The following ERMP1 variants were observed in gnomAD, a reference collection of about 807,000 sequenced individuals.
ERMP1 encodes endoplasmic reticulum metallopeptidase 1.
A neutral mutation model predicts 92.0 loss-of-function variants in ERMP1; 86 were observed. The observed-to-expected ratio is 0.93, with a 90% CI of 0.79 to 1.12. The LOEUF is 1.12. ERMP1 is among the 50% of genes most tolerant of loss of function. The probability of loss-of-function intolerance (pLI) is 0.00; values close to 1 mark genes in which losing one functional copy is unlikely to be tolerated. For synonymous variants in ERMP1, 530 were observed against 412.8 expected (o/e 1.28, Z -3.44); for missense variants, 1,342 against 1,116.3 (o/e 1.20, Z -2.88).
upstream of ERMP1, among the ~76,000 whole-genome samples, chr9:5,834,528 G>T (rs577007271): frequency 1.7e-4 from 26 of 152,252 alleles, no homozygotes; most frequent in African/African-American, 6.3e-4. Context: ...ATGAAAAAAT[G>T]AAAACATACC....
intron 5 of ERMP1, among the ~76,000 whole-genome samples, chr9:5,861,172 T>TGG (rs1395309195): frequency 6.9e-5 from 3 of 43,564 alleles, no homozygotes; most frequent in East Asian, 1.0e-3. Flanking sequence ...GCTTAGGGGG[T>TGG]GTGTGTGTGT....
chr9:5,865,671 T>C (rs1830635510), intron 5 of ERMP1, among the ~76,000 whole-genome samples: 1 of 150,084 alleles, frequency 6.7e-6, no homozygotes, highest in African/African-American at 2.4e-5. Context: ...AAACCTGGTC[T>C]CTACTAAAAT....
intron 6 of ERMP1, among the ~76,000 whole-genome samples, chr9:5,847,092 G>C (rs1830245850): frequency 3.3e-5 from 5 of 152,216 alleles, no homozygotes; most frequent in Non-Finnish European, 5.9e-5. Flanking sequence ...CCAGGGGATG[G>C]AGGGAAGAGA....
At chr9:5,851,766 C>T (rs1032503655) in intron 6 of ERMP1, among the ~76,000 whole-genome samples, 1 of 152,180 alleles carries the variant, frequency 6.6e-6, no homozygotes, top group African/African-American at 2.4e-5. Context: ...CCTTCACACA[C>T]ATACACCCCA....
At chr9:5,812,477 G>C (rs1829134894) in intron 5 of ERMP1, among the ~76,000 whole-genome samples, 1 of 152,226 alleles carries the variant, frequency 6.6e-6, no homozygotes, top group African/African-American at 2.4e-5. Flanking sequence ...AGCAAGGATA[G>C]GAATATTGAG....
At chr9:5,819,442 A>C (rs1829447822) in intron 4 of ERMP1, among the ~76,000 whole-genome samples, 1 of 152,224 alleles carries the variant, frequency 6.6e-6, no homozygotes, top group Non-Finnish European at 1.5e-5. Flanking sequence ...AGGCCATTGC[A>C]ACCTCATATC....
chr9:5,836,404 G>A (rs1225982769), upstream of ERMP1, among the ~76,000 whole-genome samples: 1 of 152,224 alleles, frequency 6.6e-6, no homozygotes, highest in African/African-American at 2.4e-5. Context: ...CAAGCCAAGA[G>A]ATGAGAAGTG....
chr9:5,834,190 T>G (rs1425463681), upstream of ERMP1, among the ~76,000 whole-genome samples: 1 of 152,190 alleles, frequency 6.6e-6, no homozygotes, highest in Non-Finnish European at 1.5e-5. Flanking sequence ...CATCTTTCCT[T>G]CTACAATAGG....
Position 5,848,386 on chromosome 9 carries a change from C to G in ERMP1, n.3199+11082G>C, listed in dbSNP as rs889514901. Among the ~76,000 whole-genome samples the G allele has an allele frequency of 2.6e-5, 4 of 152,124 alleles. No individual in the cohort carries two copies. The East Asian group carries it at 7.7e-4, about 29-fold the overall frequency. ...AGGGACGTGGATCTGCGCCTAGAACCCTCAGAACAAACACAGCTCTGCCGA... is the reference window on the plus strand; with the variant it reads ...AGGGACGTGGATCTGCGCCTAGAACGCTCAGAACAAACACAGCTCTGCCGA... On this transcript the variant is annotated intron_variant and non_coding_transcript_variant, in intron 6 of 6. Coordinates refer to the ERMP1 transcript ENST00000690753.
chr9:5,812,137 T>G lies in ERMP1; in HGVS notation c.1102A>C (p.Ile368Leu). The part of the protein sequence containing the change: ...DTADRILTDS[I>L]QRAGDNILAV... Reference sequence around the variant, plus strand: ...TTGGAATACCAACCTGCTCTCTGAATGGAATCTGTTAGAATTCTGTCCGCT... The same window carrying G: ...TTGGAATACCAACCTGCTCTCTGAAGGGAATCTGTTAGAATTCTGTCCGCT... The change falls in exon 6 of 15, where the codon ATT (isoleucine) becomes CTT (leucine). Residue 368 changes from isoleucine to leucine, a missense_variant. Coordinates refer to ENST00000339450, the MANE Select transcript of ERMP1 (RefSeq NM_024896.3). The G allele has an allele frequency of 6.2e-7, 1 of 1,603,962 alleles. No homozygotes were observed. The highest frequency in any genetic ancestry group is 8.5e-7 in the Non-Finnish European group (1 of 1,174,158).
chr9:5,815,494 C>CAAAAAAAAAAAAAAAAAA (rs3068691), intron 4 of ERMP1, among the ~76,000 whole-genome samples: 3 of 97,422 alleles, frequency 3.1e-5, no homozygotes, highest in Non-Finnish European at 6.2e-5. Context: ...ACTGAAATAA[C>CAAAAAAAAAAAAAAAAAA]AAAAAAAAAA....
upstream of ERMP1, among the ~76,000 whole-genome samples, chr9:5,835,009 G>C (rs1830074391): frequency 6.6e-6 from 1 of 151,002 alleles, no homozygotes; most frequent in African/African-American, 2.4e-5. Context: ...GTGTGTGTGT[G>C]TGTGTGTGTG....
chr9:5,832,477 G>C (rs1829985255), intron 1 of ERMP1: 1 of 469,078 alleles, frequency 2.1e-6, no homozygotes, highest in Admixed American at 4.4e-5. Flanking sequence ...TCTGCACCAC[G>C]AGCTTAACCG....
At chr9:5,807,503 T>C (rs969214850) in intron 8 of ERMP1, among the ~76,000 whole-genome samples, 1 of 152,168 alleles carries the variant, frequency 6.6e-6, no homozygotes, top group African/African-American at 2.4e-5. Context: ...CCCAACACTT[T>C]GGGAGGCCGA....
intron 13 of ERMP1, among the ~76,000 whole-genome samples, chr9:5,797,330 G>A (rs922715571): frequency 6.6e-6 from 1 of 151,926 alleles, no homozygotes; most frequent in South Asian, 2.1e-4. Context: ...ACCATGCCTG[G>A]CCTATTAAAT....
In ERMP1 at chr9:5,812,933, G is replaced by A. The variant is rs151153615; in HGVS notation, c.977C>T (p.Ser326Leu). The change falls in exon 5 of 15, where the codon TCA becomes TTA. Residue 326 changes from serine to leucine, a missense_variant. By Grantham distance (145) the Ser-to-Leu change is moderately radical. Coordinates refer to ENST00000339450, the MANE Select transcript of ERMP1 (RefSeq NM_024896.3). ...QEVFQSGIIP[S>L]DTDFRIYRDF... ...CCTGTAGATACGAAAGTCAGTATCT[G>A]AAGGAATGATTCCACTCTGAAAAAC... 5 of 1,613,894 alleles carry A rather than the reference G, an allele frequency of 3.1e-6. No homozygotes were observed. Among genetic ancestry groups the A allele is most frequent in the African/African-American group, 2.7e-5 (2 of 74,904 alleles).
intron 6 of ERMP1, among the ~76,000 whole-genome samples, chr9:5,845,831 T>G (rs1236565406): frequency 2.6e-5 from 4 of 152,144 alleles, no homozygotes; most frequent in African/African-American, 9.7e-5. Context: ...TGAGGAGTAT[T>G]TTTGAGGCCA....
intron 8 of ERMP1, among the ~76,000 whole-genome samples, chr9:5,807,164 C>T (rs1245474871): frequency 2.0e-5 from 3 of 152,192 alleles, no homozygotes; most frequent in Non-Finnish European, 4.4e-5. Context: ...TATTCATCCC[C>T]TGCCCACTCC....
At chr9:5,823,756 C>G (rs1829630739) in intron 4 of ERMP1, 140 bp downstream of exon 4, 1 of 651,158 alleles carries the variant, frequency 1.5e-6, no homozygotes, top group African/African-American at 1.9e-5. Flanking sequence ...TTAACAAAGA[C>G]AAGCTAACAC....
Sources: allele counts gnomAD v4.1 joint callset (sites outside exome capture counted in the v4.1 genomes callset), GRCh38; gene constraint gnomAD v4.1.1; transcripts MANE v1.5; gene names NCBI Gene and HGNC (gene_info 2026-07-23, HGNC 2026-07-21).